The following TMTC2 variants were observed in gnomAD, a reference collection of about 807,000 sequenced individuals.
TMTC2 encodes the protein protein O-mannosyl-transferase TMTC2.
In TMTC2, 43 loss-of-function variants were observed where a neutral mutation model predicts 82.4. The ratio of observed to expected loss-of-function variants is 0.52; its 90% confidence interval spans 0.41 to 0.67. The LOEUF is 0.67. Ranked by LOEUF, TMTC2 falls within the 30% of genes least tolerant of loss-of-function variation. TMTC2 has a pLI of 0.00. For synonymous variants in TMTC2, 408 were observed against 381.9 expected (o/e 1.07, Z -0.80); for missense variants, 919 against 1,012.4 (o/e 0.91, Z 1.25).
intron 7 of TMTC2, among the ~76,000 whole-genome samples, chr12:82,981,618 A>G (rs1164221523): frequency 1.3e-5 from 2 of 151,922 alleles, no homozygotes; most frequent in African/African-American, 4.8e-5. Flanking sequence ...GAAAATAGTC[A>G]TCGTTGTTTC....
At chr12:82,889,012 C>A (rs555322729) in intron 2 of TMTC2, among the ~76,000 whole-genome samples, 1 of 152,158 alleles carries the variant, frequency 6.6e-6, no homozygotes, top group South Asian at 2.1e-4. Context: ...TGCACGGTGG[C>A]TCACACGTGT....
chr12:82,700,677 T>C (rs1873031891), intron 1 of TMTC2, among the ~76,000 whole-genome samples: 1 of 152,220 alleles, frequency 6.6e-6, no homozygotes, highest in African/African-American at 2.4e-5. Context: ...GTTAATGAAA[T>C]GTACATATGA....
At chr12:82,768,795 G>A (rs1232754288) in intron 1 of TMTC2, among the ~76,000 whole-genome samples, 3 of 151,824 alleles carry the variant, frequency 2.0e-5, no homozygotes, top group Non-Finnish European at 4.4e-5. Context: ...TTTCAGTTAA[G>A]GCAGAACCAA....
At chr12:82,812,965 C>T (rs184749259) in intron 1 of TMTC2, among the ~76,000 whole-genome samples, 29 of 152,004 alleles carry the variant, frequency 1.9e-4, no homozygotes, top group South Asian at 4.2e-4. Context: ...AGTTATTTGC[C>T]GTCACACTGT....
At chr12:82,701,190 G>T (rs1873059182) in intron 1 of TMTC2, among the ~76,000 whole-genome samples, 1 of 152,130 alleles carries the variant, frequency 6.6e-6, no homozygotes, top group East Asian at 1.9e-4. Context: ...CTATTCTACA[G>T]TATATATCTT....
intron 1 of TMTC2, among the ~76,000 whole-genome samples, chr12:82,751,300 C>T (rs1875987213): frequency 6.6e-6 from 1 of 151,646 alleles, no homozygotes; most frequent in Non-Finnish European, 1.5e-5. Flanking sequence ...AAAAACCAAA[C>T]ACCGCATATT....
At chr12:83,084,995 C>T (rs935203658) in intron 11 of TMTC2, among the ~76,000 whole-genome samples, 1 of 152,138 alleles carries the variant, frequency 6.6e-6, no homozygotes, top group African/African-American at 2.4e-5. Flanking sequence ...CTAGCCTAGT[C>T]GTGGATCTAT....
intron 9 of TMTC2, among the ~76,000 whole-genome samples, chr12:83,033,898 A>T (rs1198300427): frequency 1.3e-5 from 2 of 150,070 alleles, no homozygotes; most frequent in South Asian, 4.2e-4. Flanking sequence ...GTATATATAT[A>T]TATATGTATA....
chr12:82,894,409 A>G (rs1247813931), intron 2 of TMTC2, among the ~76,000 whole-genome samples: 1 of 152,208 alleles, frequency 6.6e-6, no homozygotes, highest in African/African-American at 2.4e-5. Context: ...AGTTGTATAC[A>G]ATACATAGAC....
chr12:82,694,273 G>C (rs1267483955), intron 1 of TMTC2, among the ~76,000 whole-genome samples: 1 of 150,386 alleles, frequency 6.6e-6, no homozygotes, highest in Non-Finnish European at 1.5e-5. Flanking sequence ...AGATGAGATA[G>C]AGAGGTTTTG....
intron 2 of TMTC2, among the ~76,000 whole-genome samples, chr12:82,888,870 C>G (rs1873239908): frequency 6.6e-6 from 1 of 151,978 alleles, no homozygotes. Context: ...AAGAGATGTT[C>G]TCATAAAATT....
At chr12:82,763,454 T>G (rs1876767145) in intron 1 of TMTC2, among the ~76,000 whole-genome samples, 1 of 152,214 alleles carries the variant, frequency 6.6e-6, no homozygotes, top group Non-Finnish European at 1.5e-5. Flanking sequence ...CCCCAGTGAT[T>G]GTGATGCCTA....
intron 4 of TMTC2, among the ~76,000 whole-genome samples, chr12:82,961,726 C>A (rs757904023): frequency 1.4e-4 from 21 of 152,144 alleles, no homozygotes; most frequent in Non-Finnish European, 2.5e-4. Flanking sequence ...CTTTCCTTAT[C>A]CATTCCTGGG....
chr12:82,705,160 T>A (rs1365034944), intron 1 of TMTC2, among the ~76,000 whole-genome samples: 3 of 152,140 alleles, frequency 2.0e-5, no homozygotes, highest in Non-Finnish European at 4.4e-5. Context: ...GGCATAAGAA[T>A]GACACAATGG....
intron 1 of TMTC2, among the ~76,000 whole-genome samples, chr12:82,735,067 T>G (rs1384768174): frequency 6.6e-6 from 1 of 152,218 alleles, no homozygotes; most frequent in African/African-American, 2.4e-5. Context: ...TATTGAATCC[T>G]AAACCACAGG....
At chr12:83,045,843 G>A (rs1366900746) in intron 9 of TMTC2, among the ~76,000 whole-genome samples, 1 of 152,060 alleles carries the variant, frequency 6.6e-6, no homozygotes, top group South Asian at 2.1e-4. Context: ...ACAAGGGAAA[G>A]CTGGTTCCTA....
chr12:82,875,330 A>G (rs1198866416), intron 2 of TMTC2, among the ~76,000 whole-genome samples: 2 of 151,548 alleles, frequency 1.3e-5, no homozygotes, highest in East Asian at 1.9e-4. Flanking sequence ...TCATGAGGAT[A>G]TTAATCTTAC....
intron 8 of TMTC2, among the ~76,000 whole-genome samples, chr12:83,022,327 A>G (rs1214532443): frequency 6.6e-6 from 1 of 150,748 alleles, no homozygotes; most frequent in Non-Finnish European, 1.5e-5. Context: ...AAATATCACT[A>G]AAGGCCTTCC....
intron 4 of TMTC2, among the ~76,000 whole-genome samples, chr12:82,948,375 A>AAAC (rs1555200162): frequency 6.0e-5 from 9 of 150,758 alleles, no homozygotes; most frequent in South Asian, 4.2e-4. Flanking sequence ...AATTTAAACA[A>AAAC]AAAAAAAAAA....
Sources: allele counts gnomAD v4.1 joint callset (sites outside exome capture counted in the v4.1 genomes callset), GRCh38; gene constraint gnomAD v4.1.1; transcripts MANE v1.5; gene names NCBI Gene and HGNC (gene_info 2026-07-23, HGNC 2026-07-21).